The following VAT1L variants were observed in gnomAD, a reference collection of about 807,000 sequenced individuals.
VAT1L encodes the protein vesicle amine transport 1 like, also known as putative NADPH-dependent quinone oxidoreductase VAT1L.
In VAT1L, 34 loss-of-function variants were observed where a neutral mutation model predicts 44.1. The ratio of observed to expected loss-of-function variants is 0.77; its 90% CI spans 0.59 to 1.03. VAT1L has a LOEUF of 1.03. VAT1L is among the 50% of genes least tolerant of loss of function. VAT1L has a pLI of 0.00. For synonymous variants in VAT1L, 253 were observed against 202.2 expected (o/e 1.25, Z -2.13); for missense variants, 615 against 538.8 (o/e 1.14, Z -1.40).
chr16:77,874,909 A>T (rs2017072411), intron 4 of VAT1L, among the ~76,000 whole-genome samples: 1 of 151,456 alleles, frequency 6.6e-6, no homozygotes, highest in Admixed American at 6.6e-5. Context: ...TAATTCTCAG[A>T]GCGTGGAGCT....
chr16:77,919,130 G>C (rs906665184), intron 7 of VAT1L, among the ~76,000 whole-genome samples: 2 of 151,942 alleles, frequency 1.3e-5, no homozygotes, highest in Admixed American at 1.3e-4. Flanking sequence ...GAGGGTGTGT[G>C]TGTGTGCATG....
chr16:77,914,467 T>C (rs1405830197), intron 7 of VAT1L, among the ~76,000 whole-genome samples: 1 of 152,208 alleles, frequency 6.6e-6, no homozygotes, highest in Non-Finnish European at 1.5e-5. Context: ...CAGCAAACGC[T>C]ACAATCCGGG....
intron 7 of VAT1L, among the ~76,000 whole-genome samples, chr16:77,911,883 A>G (rs975801502): frequency 4.6e-5 from 7 of 152,204 alleles, no homozygotes; most frequent in Non-Finnish European, 7.3e-5. Flanking sequence ...ATGATGGTGT[A>G]TTTGTCAAGG....
chr16:77,968,083 A>G (rs960374435), intron 7 of VAT1L, among the ~76,000 whole-genome samples: 1 of 152,178 alleles, frequency 6.6e-6, no homozygotes, highest in East Asian at 1.9e-4. Flanking sequence ...AGATAAGAAT[A>G]TATTATCTAT....
intron 1 of VAT1L, among the ~76,000 whole-genome samples, chr16:77,797,234 C>T (rs1468000528): frequency 6.6e-6 from 1 of 151,960 alleles, no homozygotes; most frequent in East Asian, 1.9e-4. Context: ...GCCTCAGCCT[C>T]CTAAGTAGCT....
At chr16:77,944,342 C>A (rs972649521) in intron 7 of VAT1L, among the ~76,000 whole-genome samples, 3 of 152,136 alleles carry the variant, frequency 2.0e-5, no homozygotes, top group Admixed American at 1.3e-4. Context: ...AGTAGCATAG[C>A]CCCTAAAAAT....
Position 77,879,113 on chromosome 16 carries a change from C to G in VAT1L, c.827-56C>G, listed in dbSNP as rs1452667191. On this transcript the variant is annotated intron_variant, in intron 5 of 8. Coordinates refer to ENST00000302536, the MANE Select transcript of VAT1L (RefSeq NM_020927.3). This position sits in a 1 kb window ranked among gnomAD's most constrained non-coding sequence, Gnocchi z 4.1. The stretch of plus-strand genomic sequence containing the variant: ...CAATTGCCATTTTTTTCATGCATAA[C>G]AAGAGATGTCCATTTTCATTAGCAA... 7 of 1,574,620 alleles carry G rather than the reference C, an allele frequency of 4.4e-6. No individual in the cohort carries two copies. The highest frequency in any genetic ancestry group is 2.2e-5 in the South Asian group (2 of 89,832).
At chr16:77,932,777 C>T (rs1383648542) in intron 7 of VAT1L, among the ~76,000 whole-genome samples, 1 of 152,174 alleles carries the variant, frequency 6.6e-6, no homozygotes, top group Non-Finnish European at 1.5e-5. Flanking sequence ...CCTCTCTGTT[C>T]TGCCCACAAA....
chr16:77,940,014 G>A (rs532582390), intron 7 of VAT1L, among the ~76,000 whole-genome samples: 2 of 152,176 alleles, frequency 1.3e-5, no homozygotes, highest in Non-Finnish European at 2.9e-5. Context: ...GTTAATCAGT[G>A]CATCAAGGTT....
intron 7 of VAT1L, among the ~76,000 whole-genome samples, chr16:77,890,799 C>T (rs2142466781): frequency 6.6e-6 from 1 of 151,946 alleles, no homozygotes; most frequent in Admixed American, 6.6e-5. Context: ...TGGTACACAC[C>T]TGTGGTCCCA....
intron 1 of VAT1L, among the ~76,000 whole-genome samples, chr16:77,798,241 C>G (rs2015973633): frequency 1.3e-5 from 2 of 152,210 alleles, no homozygotes; most frequent in African/African-American, 4.8e-5. Context: ...GACAATGATT[C>G]CTTTCTTAAC....
intron 4 of VAT1L, among the ~76,000 whole-genome samples, chr16:77,865,029 G>A (rs942519150): frequency 2.0e-5 from 3 of 147,470 alleles, no homozygotes; most frequent in South Asian, 4.3e-4. Context: ...GCTGGAGTGC[G>A]GTGGTGCAAT....
At chr16:77,928,448 G>C (rs1336850110) in intron 7 of VAT1L, among the ~76,000 whole-genome samples, 1 of 152,172 alleles carries the variant, frequency 6.6e-6, no homozygotes, top group Admixed American at 6.5e-5. Flanking sequence ...TCTTTTAAAA[G>C]ATCAAGTATT....
intron 7 of VAT1L, among the ~76,000 whole-genome samples, chr16:77,929,119 A>G (rs1047064312): frequency 6.6e-6 from 1 of 152,044 alleles, no homozygotes; most frequent in Non-Finnish European, 1.5e-5. Flanking sequence ...TAGCCGCTCT[A>G]TTATTTTTAT....
At chr16:77,885,195 G>A (rs2017197723) in intron 7 of VAT1L, among the ~76,000 whole-genome samples, 1 of 152,198 alleles carries the variant, frequency 6.6e-6, no homozygotes, top group South Asian at 2.1e-4. Context: ...TGATTTGTGT[G>A]CTCCGCTGGA....
chr16:77,841,999 T>C (rs913940415), intron 3 of VAT1L, among the ~76,000 whole-genome samples: 2 of 152,126 alleles, frequency 1.3e-5, no homozygotes, highest in African/African-American at 2.4e-5. Context: ...GCCATTCTCC[T>C]GCCTCAGCCT....
intron 1 of VAT1L, among the ~76,000 whole-genome samples, chr16:77,794,376 T>C (rs2015890526): frequency 6.6e-6 from 1 of 152,162 alleles, no homozygotes; most frequent in African/African-American, 2.4e-5. Context: ...CTTTGGGGGA[T>C]CCATCTAGAT....
chr16:77,955,728 CCAA>C (rs2018096273), intron 7 of VAT1L, among the ~76,000 whole-genome samples: 1 of 99,996 alleles, frequency 1.0e-5, no homozygotes, highest in Non-Finnish European at 2.2e-5. Flanking sequence ...ATCCCCCCCC[CCAA>C]AAAAAAAAAA....
intron 4 of VAT1L, among the ~76,000 whole-genome samples, chr16:77,867,488 G>A (rs2016987093): frequency 6.7e-6 from 1 of 150,244 alleles, no homozygotes; most frequent in Non-Finnish European, 1.5e-5. Context: ...ATTCATTCAT[G>A]TAGAGATGCT....
Sources: gnomAD v4.1 joint callset for allele counts (sites outside exome capture counted in the v4.1 genomes callset) on GRCh38, gnomAD v4.1.1 for gene constraint, Gnocchi (gnomAD v3.1) non-coding constraint, MANE v1.5 for transcripts, NCBI Gene and HGNC (gene_info 2026-07-23, HGNC 2026-07-21) for gene names.